The following FAM184A variants were observed in gnomAD, a reference collection of about 807,000 sequenced individuals.
The protein encoded by FAM184A is protein FAM184A.
FAM184A carries 99 observed loss-of-function variants against 143.8 expected under a neutral mutation model. The observed-to-expected ratio is 0.69, with a 90% confidence interval of 0.58 to 0.81. The LOEUF (loss-of-function observed/expected upper bound fraction) is 0.81, where lower values mean the gene tolerates loss of function less well. FAM184A is among the 40% of genes least tolerant of loss of function. The pLI is 0.00. For missense variants in FAM184A, 1,217 were observed against 1,310.5 expected, an observed-to-expected ratio of 0.93 and a Z score of 1.10; for synonymous variants, 427 against 446.4, an observed-to-expected ratio of 0.96 and a Z score of 0.55.
chr6:119,077,050 C>A (rs781715914), intron 1 of FAM184A, among the ~76,000 whole-genome samples: 9 of 152,080 alleles, frequency 5.9e-5, no homozygotes, highest in Non-Finnish European at 1.3e-4. Flanking sequence ...TCTTTTCTAT[C>A]CTCAATCACA....
intron 1 of FAM184A, among the ~76,000 whole-genome samples, chr6:119,088,644 T>C (rs1426856794): frequency 4.2e-5 from 6 of 143,698 alleles, no homozygotes; most frequent in Non-Finnish European, 7.4e-5. Context: ...TCAAAGGTAC[T>C]TTTCAGGTCT....
At chr6:119,015,016 G>A (rs1785196270) in intron 5 of FAM184A, among the ~76,000 whole-genome samples, 1 of 151,492 alleles carries the variant, frequency 6.6e-6, no homozygotes, top group Admixed American at 6.6e-5. Flanking sequence ...CCGAGATTGT[G>A]CCACTGCACT....
Position 118,969,993 on chromosome 6 carries a change from A to AAAATATATATATATAT in FAM184A, c.2916-3042_2916-3041insATATATATATATATTT, listed in dbSNP as rs1554264562. 1.1e-3 allele frequency among the ~76,000 whole-genome samples: 27 copies of AAAATATATATATATAT among 24,370 alleles called. 4 individuals are homozygous for AAAATATATATATATAT. The highest frequency in any genetic ancestry group is 3.9e-3 in the African/African-American group (27 of 6,948). 16.0% of individuals were successfully genotyped at this position (24,370 alleles called of 152,430 possible). A position where few individuals can be genotyped will look rare whatever the true frequency, so the allele number is the denominator to read the frequency against. ...AAATTGTTTGGGTGTATATATATATAATATATATATATATATTTTTTTTTT... is the reference window on the plus strand; with the variant it reads ...AAATTGTTTGGGTGTATATATATATAAAATATATATATATATATATATATATATATATTTTTTTTTT... On this transcript the variant is annotated intron_variant, in intron 14 of 17. Coordinates refer to ENST00000338891, the MANE Select transcript of FAM184A (RefSeq NM_024581.6).
intron 1 of FAM184A, among the ~76,000 whole-genome samples, chr6:119,095,832 T>A (rs1161792583): frequency 6.6e-6 from 1 of 152,184 alleles, no homozygotes; most frequent in African/African-American, 2.4e-5. Context: ...GCACTGAGAT[T>A]AAAGGTGAGA....
chr6:118,974,158 G>A (rs1318462145), intron 14 of FAM184A, among the ~76,000 whole-genome samples: 1 of 151,890 alleles, frequency 6.6e-6, no homozygotes. Context: ...TTTCACCATG[G>A]CATGATAGTT....
In FAM184A at chr6:119,016,845, C is replaced by A. The variant is rs749979020; in HGVS notation, c.1432G>T (p.Ala478Ser). Residue 478 changes from alanine to serine, a missense_variant, in exon 5 of 18, where the codon GCC becomes TCC. Ala to Ser is a moderately conservative substitution (Grantham distance 99, BLOSUM62 1). Transcript: ENST00000338891. ...AATTCTTCCAAAGTCTTAGAATGGG[C>A]CTCGTTTAATTGAGTCACCTCCTCT... ...LEEEVTQLNE[A>S]HSKTLEELAW... 1 of 1,614,014 alleles carries A rather than the reference C, an allele frequency of 6.2e-7. No homozygotes were observed. The highest frequency in any genetic ancestry group is 8.5e-7 in the Non-Finnish European group (1 of 1,179,898).
chr6:119,133,981 G>T (rs1295459), intron 1 of FAM184A, among the ~76,000 whole-genome samples: 1 of 151,596 alleles, frequency 6.6e-6, no homozygotes, highest in Admixed American at 6.6e-5. Flanking sequence ...CATGCACAGC[G>T]AGTAAGCATT....
At chr6:118,988,807 C>T (rs1582471450) in intron 9 of FAM184A, among the ~76,000 whole-genome samples, 1 of 152,046 alleles carries the variant, frequency 6.6e-6, no homozygotes, top group East Asian at 1.9e-4. Context: ...CATACCCCTC[C>T]CTCCTAATAT....
At chr6:119,077,249 C>T (rs1021337672) in intron 1 of FAM184A, among the ~76,000 whole-genome samples, 1 of 152,158 alleles carries the variant, frequency 6.6e-6, no homozygotes, top group Non-Finnish European at 1.5e-5. Context: ...CGATGCCCAT[C>T]TCTCTTCAGC....
intron 1 of FAM184A, among the ~76,000 whole-genome samples, chr6:119,061,531 C>CTTTTTTTTTTTTTTTTTTTTTTT (rs977029986): frequency 1.7e-5 from 1 of 58,530 alleles, no homozygotes; most frequent in Non-Finnish European, 3.2e-5. Flanking sequence ...AATTATTTTT[C>CTTTTTTTTTTTTTTTTTTTTTTT]TTTTTTTTTT....
chr6:119,140,491 T>A (rs891060656), intron 1 of FAM184A, among the ~76,000 whole-genome samples: 2 of 152,210 alleles, frequency 1.3e-5, no homozygotes, highest in Admixed American at 6.5e-5. Context: ...ATATTCACTT[T>A]CCCAAACTCA....
chr6:119,136,517 A>T (rs1390068527), intron 1 of FAM184A, among the ~76,000 whole-genome samples: 1 of 152,118 alleles, frequency 6.6e-6, no homozygotes, highest in African/African-American at 2.4e-5. Context: ...TTTTGGGTGG[A>T]AGCAACCAAA....
intron 9 of FAM184A, among the ~76,000 whole-genome samples, chr6:118,980,879 C>T (rs761085109): frequency 6.6e-6 from 1 of 152,180 alleles, no homozygotes; most frequent in Non-Finnish European, 1.5e-5. Flanking sequence ...AAGCATTCAA[C>T]AAATATTAGC....
chr6:119,016,546 A>G (rs1313202055), intron 5 of FAM184A, among the ~76,000 whole-genome samples: 1 of 151,776 alleles, frequency 6.6e-6, no homozygotes, highest in Non-Finnish European at 1.5e-5. Flanking sequence ...CCAACCCACC[A>G]GAAGGAAGAA....
intron 9 of FAM184A, among the ~76,000 whole-genome samples, chr6:118,989,817 T>G (rs1485303295): frequency 6.7e-6 from 1 of 149,970 alleles, no homozygotes; most frequent in Non-Finnish European, 1.5e-5. Flanking sequence ...TTTATTTATT[T>G]ATTTATTTAT....
chr6:119,023,965 A>G lies in FAM184A; in HGVS notation c.1008T>C (p.Asn336=). The part of the protein sequence containing the change: ...LQTALAIAEN[N]VQVLQKQLDD... Reference sequence around the variant, plus strand: ...TATAATATTCTTTACTTACCTGAACATTGTTCTCTGCTATGGCAAGTGCCG... The same window carrying G: ...TATAATATTCTTTACTTACCTGAACGTTGTTCTCTGCTATGGCAAGTGCCG... The change falls in exon 2 of 18, where the codon AAT becomes AAC. Residue 336 remains asparagine (N), a synonymous_variant. Transcript: ENST00000338891. 1 of 1,573,264 alleles carries G rather than the reference A, an allele frequency of 6.4e-7. No individual in the cohort carries two copies. Among genetic ancestry groups the G allele is most frequent in the Non-Finnish European group, 8.6e-7 (1 of 1,167,024 alleles).
At chr6:119,032,743 G>C (rs1195062211) in intron 1 of FAM184A, among the ~76,000 whole-genome samples, 1 of 152,108 alleles carries the variant, frequency 6.6e-6, no homozygotes, top group Non-Finnish European at 1.5e-5. Flanking sequence ...TGAGGCAAAA[G>C]GTAGCTTACC....
intron 1 of FAM184A, among the ~76,000 whole-genome samples, chr6:119,107,281 T>C (rs1220049146): frequency 1.3e-5 from 2 of 152,106 alleles, no homozygotes; most frequent in East Asian, 1.9e-4. Flanking sequence ...ATATTATCAA[T>C]GTTATTCTGA....
intron 1 of FAM184A, among the ~76,000 whole-genome samples, chr6:119,135,479 G>T (rs1789637950): frequency 6.6e-6 from 1 of 152,096 alleles, no homozygotes; most frequent in South Asian, 2.1e-4. Context: ...AAAATGATAT[G>T]CTTCACAATA....
Sources: allele counts gnomAD v4.1 joint callset (sites outside exome capture counted in the v4.1 genomes callset), GRCh38; gene constraint gnomAD v4.1.1; transcripts MANE v1.5; gene names NCBI Gene and HGNC (gene_info 2026-07-23, HGNC 2026-07-21).